Variants in AMMECR1 observed in about 807,000 individuals in gnomAD.
AMMECR1 encodes AMMECR nuclear protein 1, also known as nuclear protein AMMECR1.
A neutral mutation model predicts 22.5 loss-of-function variants in AMMECR1; 3 were observed. That is an observed-to-expected ratio of 0.13 (90% CI 0.06 to 0.35). The LOEUF (loss-of-function observed/expected upper bound fraction) is 0.35, where lower values mean the gene tolerates loss of function less well. AMMECR1 is among the 10% of genes least tolerant of loss of function. AMMECR1 has a pLI of 1.00. For missense variants in AMMECR1, 235 were observed against 278.7 expected, an observed-to-expected ratio of 0.84 and a Z score of 1.12; for synonymous variants, 130 against 116.7, an observed-to-expected ratio of 1.11 and a Z score of -0.74.
At chrX:110,271,862 G>A (rs1290604427) in intron 1 of AMMECR1, among the ~76,000 whole-genome samples, 6 of 111,175 alleles carry the variant, frequency 5.4e-5, no homozygotes, top group Non-Finnish European at 1.1e-4. Context: ...CTATTTGGAA[G>A]TCCTATTCTG....
intron 1 of AMMECR1, among the ~76,000 whole-genome samples, chrX:110,307,779 A>T (rs553433561): frequency 1.8e-5 from 2 of 109,757 alleles, no homozygotes; most frequent in Non-Finnish European, 3.8e-5. Context: ...ATGGTCTCTT[A>T]TAAGTATTAA....
chrX:110,204,620 G>C (rs958994045), intron 3 of AMMECR1, among the ~76,000 whole-genome samples: 3 of 111,417 alleles, frequency 2.7e-5, no homozygotes, highest in Non-Finnish European at 5.7e-5. Context: ...AGGCAAATGG[G>C]GTTAATTTAG....
chrX:110,343,342 T>G (rs1018603724), intron 2 of AMMECR1, among the ~76,000 whole-genome samples: 12 of 111,456 alleles, frequency 1.1e-4, no homozygotes, highest in African/African-American at 3.9e-4. Flanking sequence ...GGGACGTATC[T>G]CAAAATAATA....
intron 2 of AMMECR1, among the ~76,000 whole-genome samples, chrX:110,352,469 A>C (rs1163506051): frequency 8.9e-6 from 1 of 112,373 alleles, no homozygotes; most frequent in Non-Finnish European, 1.9e-5. Flanking sequence ...GTATGAGTCT[A>C]TGCATAAGAA....
chrX:110,368,601 CT>C (rs1212471480), intron 2 of AMMECR1, among the ~76,000 whole-genome samples: 9 of 112,096 alleles, frequency 8.0e-5, no homozygotes, highest in African/African-American at 2.9e-4. Context: ...AAAATTGCCA[CT>C]CTCTGCATGC....
chrX:110,315,736 C>G (rs1359430551), intron 1 of AMMECR1, among the ~76,000 whole-genome samples: 1 of 111,812 alleles, frequency 8.9e-6, no homozygotes, highest in Non-Finnish European at 1.9e-5. Context: ...CTAAAGCAGC[C>G]TTTGCCAAAC....
chrX:110,418,459 A>G (rs1239274157), intron 2 of AMMECR1, among the ~76,000 whole-genome samples: 1 of 112,209 alleles, frequency 8.9e-6, no homozygotes, highest in Non-Finnish European at 1.9e-5. Context: ...ACACACAATC[A>G]GGAAAAGCAG....
chrX:110,241,377 C>T (rs2067631605), intron 2 of AMMECR1, among the ~76,000 whole-genome samples: 1 of 111,473 alleles, frequency 9.0e-6, no homozygotes, highest in Non-Finnish European at 1.9e-5. Flanking sequence ...ATCAAACAGA[C>T]ACAATAAAAA....
chrX:110,278,808 T>A (rs1459463645), intron 1 of AMMECR1, among the ~76,000 whole-genome samples: 1 of 111,922 alleles, frequency 8.9e-6, no homozygotes, highest in Non-Finnish European at 1.9e-5. Flanking sequence ...GCTTATCACA[T>A]CAATACAAGA....
At chrX:110,406,414 T>C (rs904734604) in intron 2 of AMMECR1, among the ~76,000 whole-genome samples, 1 of 111,910 alleles carries the variant, frequency 8.9e-6, no homozygotes, top group Non-Finnish European at 1.9e-5. Flanking sequence ...GCTTCATCCA[T>C]GTCCCTGCAA....
At chrX:110,404,075 A>G (rs1268351407) in intron 2 of AMMECR1, among the ~76,000 whole-genome samples, 1 of 112,356 alleles carries the variant, frequency 8.9e-6, no homozygotes, top group Non-Finnish European at 1.9e-5. Context: ...GATTCCGGAG[A>G]CTTGTTGTCA....
At chrX:110,198,961 C>G (rs918425430) in intron 5 of AMMECR1, among the ~76,000 whole-genome samples, 2 of 111,738 alleles carry the variant, frequency 1.8e-5, no homozygotes, top group African/African-American at 3.3e-5. Context: ...CTTCAGAAAT[C>G]TTCCACCTCT....
chrX:110,393,586 C>T (rs1037068422), intron 2 of AMMECR1, among the ~76,000 whole-genome samples: 4 of 112,113 alleles, frequency 3.6e-5, no homozygotes, highest in Non-Finnish European at 7.5e-5. Flanking sequence ...ACTGGTGCCT[C>T]TAAAAGTTTC....
chrX:110,252,226 C>CAAA (rs1158044956), intron 2 of AMMECR1, among the ~76,000 whole-genome samples: 1 of 110,878 alleles, frequency 9.0e-6, no homozygotes, highest in Non-Finnish European at 1.9e-5. Context: ...ATATGGCTAC[C>CAAA]TCTTTCTACA....
intron 1 of AMMECR1, among the ~76,000 whole-genome samples, chrX:110,303,595 T>C (rs1049111217): frequency 8.9e-6 from 1 of 112,169 alleles, no homozygotes; most frequent in Non-Finnish European, 1.9e-5. Flanking sequence ...GATTATTACA[T>C]AGGGTCAACA....
In AMMECR1 at chrX:110,373,915, T is replaced by C. The variant is rs774944280; in HGVS notation, c.-148+52743A>G. Among the ~76,000 whole-genome samples, 7 of 111,716 alleles carry C rather than the reference T, an allele frequency of 6.3e-5. No homozygotes were observed. In the South Asian group the frequency reaches 2.6e-3, roughly 42 times the overall value. Reference sequence around the variant, plus strand: ...ATGACAGTTTAAACTACAAATAAGTTATGAGTGAAGAGAGAACAAATGGAA... The same window carrying C: ...ATGACAGTTTAAACTACAAATAAGTCATGAGTGAAGAGAGAACAAATGGAA... On this transcript the variant is annotated intron_variant, in intron 2 of 7. Transcript: ENST00000372057.
chrX:110,280,043 A>G (rs940838171), intron 1 of AMMECR1, among the ~76,000 whole-genome samples: 27 of 112,011 alleles, frequency 2.4e-4, no homozygotes, highest in African/African-American at 7.8e-4. Context: ...TTTTTATTGA[A>G]TATTTACTAT....
intron 2 of AMMECR1, among the ~76,000 whole-genome samples, chrX:110,374,705 G>A (rs374909697): frequency 3.6e-5 from 4 of 111,542 alleles, no homozygotes; most frequent in Admixed American, 1.9e-4. Flanking sequence ...ATTTATTTTC[G>A]GTGGAGGGTG....
At chrX:110,337,824 C>T (rs1013223194) in intron 2 of AMMECR1, among the ~76,000 whole-genome samples, 2 of 112,106 alleles carry the variant, frequency 1.8e-5, no homozygotes, top group African/African-American at 6.5e-5. Context: ...AAGTGTCTAT[C>T]AACAGATGAA....
Sources: gnomAD v4.1 joint callset for allele counts (sites outside exome capture counted in the v4.1 genomes callset) on GRCh38, gnomAD v4.1.1 for gene constraint, MANE v1.5 for transcripts, NCBI Gene and HGNC (gene_info 2026-07-23, HGNC 2026-07-21) for gene names.